CLTC: variants seen among roughly 807,000 people sequenced by gnomAD.
CLTC encodes clathrin heavy chain.
Under a neutral mutation model 195.8 loss-of-function variants are expected in CLTC, and 16 were observed. The observed-to-expected ratio is 0.08, with a 90% CI of 0.06 to 0.12. The LOEUF (loss-of-function observed/expected upper bound fraction) is 0.12, where lower values mean the gene tolerates loss of function less well. Ranked by LOEUF, CLTC falls within the 10% of genes least tolerant of loss-of-function variation. The pLI is 1.00. For missense variants in CLTC, 796 were observed against 2,027.0 expected, an observed-to-expected ratio of 0.39 and a Z score of 11.66; for synonymous variants, 667 against 689.4, an observed-to-expected ratio of 0.97 and a Z score of 0.51.
intron 17 of CLTC, among the ~76,000 whole-genome samples, chr17:59,677,783 C>T (rs1428236703): frequency 6.6e-6 from 1 of 152,112 alleles, no homozygotes; most frequent in African/African-American, 2.4e-5. Context: ...TTCTATGACG[C>T]TGATATCTTT....
chr17:59,655,746 C>A, intron 5 of CLTC, 108 bp from the exon 6 acceptor site: 15 of 825,202 alleles, frequency 1.8e-5, no homozygotes, highest in South Asian at 5.0e-5. Context: ...TTCAAATAAC[C>A]CTCTTGTTCT....
rs1303002364 is a variant in CLTC at position 59,666,185 on chromosome 17, C to T, written c.1727C>T (p.Ser576Phe). The part of the protein sequence containing the change: ...LLDALKNNRP[S>F]EGPLQTRLLE... ...GATGCTCTGAAGAATAATCGCCCAT[C>T]TGAAGGTCCTTTACAGACGCGGTTA... The change falls in exon 11 of 32, where the codon TCT becomes TTT. Residue 576 changes from serine (S) to phenylalanine (F), a missense_variant. Ser to Phe is a radical substitution (Grantham distance 155). Transcript: ENST00000269122. This position sits in a 1 kb window ranked among gnomAD's most constrained non-coding sequence, Gnocchi z 4.9. 1.9e-6 allele frequency: 3 copies of T among 1,614,026 alleles called. No individual in the cohort carries two copies. The East Asian group carries it at 6.7e-5, about 36-fold the overall frequency.
chr17:59,620,034 C>T lies in CLTC; in HGVS notation c.-98C>T. 1 of 1,085,934 alleles carries T rather than the reference C, an allele frequency of 9.2e-7. No homozygotes were observed. Among genetic ancestry groups the T allele is most frequent in the Non-Finnish European group, 1.4e-6 (1 of 720,550 alleles). 67.3% of individuals were successfully genotyped at this position (1,085,934 alleles called of 1,614,324 possible). ...CGGAGAGGATCCTGCTGAGCCCAGCCTCCCCCCTCCCCTTCTCCTCCTCTC... is the reference window on the plus strand; with the variant it reads ...CGGAGAGGATCCTGCTGAGCCCAGCTTCCCCCCTCCCCTTCTCCTCCTCTC... On this transcript the variant is annotated 5_prime_UTR_variant, in exon 1 of 32. Coordinates refer to ENST00000269122, the MANE Select transcript of CLTC (RefSeq NM_004859.4).
chr17:59,652,430 T>C (rs894087446), intron 5 of CLTC, among the ~76,000 whole-genome samples: 2 of 152,216 alleles, frequency 1.3e-5, no homozygotes, highest in Non-Finnish European at 1.5e-5. Flanking sequence ...GCAGCTGTGG[T>C]CTTATGAAAT....
At chr17:59,691,892 A>G (rs1216542940) in intron 31 of CLTC, among the ~76,000 whole-genome samples, 1 of 152,074 alleles carries the variant, frequency 6.6e-6, no homozygotes, top group Non-Finnish European at 1.5e-5. Flanking sequence ...GGAACAAAAA[A>G]AAGATGGGTG....
intron 17 of CLTC, among the ~76,000 whole-genome samples, chr17:59,678,989 G>T (rs1034579819): frequency 6.6e-6 from 1 of 152,148 alleles, no homozygotes; most frequent in Non-Finnish European, 1.5e-5. Context: ...TGACAACAGA[G>T]CAAGACTCCT....
At chr17:59,639,837 G>A (rs1477819767) in intron 1 of CLTC, among the ~76,000 whole-genome samples, 2 of 150,956 alleles carry the variant, frequency 1.3e-5, no homozygotes, top group African/African-American at 4.9e-5. Flanking sequence ...GCATGGTGGC[G>A]CCTGTAGTCT....
chr17:59,656,666 A>ATTTTTTTTTTTTTTT (rs55669818), intron 6 of CLTC, among the ~76,000 whole-genome samples: 9 of 96,222 alleles, frequency 9.4e-5, no homozygotes, highest in Non-Finnish European at 1.1e-4. Flanking sequence ...TATTATTTTA[A>ATTTTTTTTTTTTTTT]TTTTTTTTTT....
intron 1 of CLTC, among the ~76,000 whole-genome samples, chr17:59,629,645 C>G (rs2031653779): frequency 6.6e-6 from 1 of 151,594 alleles, no homozygotes; most frequent in Non-Finnish European, 1.5e-5. Context: ...CTAAGCCTCC[C>G]AAGTAGCTGG....
intron 1 of CLTC, among the ~76,000 whole-genome samples, chr17:59,638,287 A>T (rs928464892): frequency 2.0e-5 from 3 of 151,646 alleles, no homozygotes; most frequent in Non-Finnish European, 2.9e-5. Flanking sequence ...ACAGAGCAAG[A>T]CCCTATCTCT....
intron 1 of CLTC, among the ~76,000 whole-genome samples, chr17:59,633,471 C>T (rs945300716): frequency 3.3e-5 from 5 of 151,748 alleles, no homozygotes; most frequent in Non-Finnish European, 4.4e-5. Flanking sequence ...CCAGCCTGGG[C>T]GACAGAGCGA....
intron 13 of CLTC, among the ~76,000 whole-genome samples, chr17:59,668,028 G>A (rs1465239486): frequency 6.6e-6 from 1 of 152,296 alleles, no homozygotes; most frequent in East Asian, 1.9e-4. Context: ...TACATTGAAA[G>A]TTATTAAAGT....
At chr17:59,662,354 T>C (rs973364049) in intron 8 of CLTC, among the ~76,000 whole-genome samples, 2 of 152,186 alleles carry the variant, frequency 1.3e-5, no homozygotes, top group African/African-American at 4.8e-5. Context: ...ATAATGGTAG[T>C]ATGTTTTCCT....
chr17:59,648,612 T>C lies in CLTC; in HGVS notation c.681+211T>C, dbSNP rs1003878105. ...CACAACTCGTTCTGTTGGCTGTTTA[T>C]ATTCTTTGATTGCTAAAGTGCACAT... On this transcript the variant is annotated intron_variant, in intron 4 of 31. Transcript: ENST00000269122. This position sits in a 1 kb window ranked among gnomAD's most constrained non-coding sequence, Gnocchi z 4.5. 3 of 515,950 alleles carry C rather than the reference T, an allele frequency of 5.8e-6. No homozygotes were observed. Among genetic ancestry groups the C allele is most frequent in the African/African-American group, 5.7e-5 (3 of 52,562 alleles). The allele number at this position is 515,950 out of a possible 1,614,324, so 32.0% of individuals were successfully genotyped here.
chr17:59,689,648 T>G (rs1431583019), intron 30 of CLTC: 1 of 152,166 alleles, frequency 6.6e-6, no homozygotes, highest in Non-Finnish European at 1.5e-5. Flanking sequence ...TTTTAAATAT[T>G]GAAAGACAAA....
chr17:59,627,655 T>C (rs2031591869), intron 1 of CLTC, among the ~76,000 whole-genome samples: 1 of 152,238 alleles, frequency 6.6e-6, no homozygotes, highest in Admixed American at 6.5e-5. Context: ...CATCTGACTT[T>C]ATGCCTTGAA....
In CLTC at chr17:59,695,326, T is replaced by TAAC. The variant is rs2033395284; in HGVS notation, c.*1476_*1478dup. ...TTACAACTCTCTTAGGCAAATTACC[T>TAAC]AACATAAGCTCCACAGAAGAGTTTT... On this transcript the variant is annotated 3_prime_UTR_variant, in exon 32 of 32. Coordinates refer to ENST00000269122, the MANE Select transcript of CLTC (RefSeq NM_004859.4). The TAAC allele has an allele frequency of 5.4e-6, 1 of 185,056 alleles. No homozygotes were observed. The highest frequency in any genetic ancestry group is 1.1e-5 in the Non-Finnish European group (1 of 87,416). 11.5% of individuals were successfully genotyped at this position (185,056 alleles called of 1,614,324 possible).
chr17:59,677,209 A>T (rs1314472577), intron 17 of CLTC, 21 bp downstream of exon 17: 1 of 1,565,326 alleles, frequency 6.4e-7, no homozygotes, highest in African/African-American at 1.4e-5. Flanking sequence ...CTAGCTGAAT[A>T]TGTAGAGAAG....
intron 15 of CLTC, among the ~76,000 whole-genome samples, chr17:59,674,026 T>A (rs1037606199): frequency 1.3e-5 from 2 of 152,078 alleles, no homozygotes; most frequent in African/African-American, 2.4e-5. Flanking sequence ...AGCCTCCAAG[T>A]ATCTGGGACT....
Sources: gnomAD v4.1 joint callset for allele counts (sites outside exome capture counted in the v4.1 genomes callset) on GRCh38, gnomAD v4.1.1 for gene constraint, Gnocchi (gnomAD v3.1) non-coding constraint, MANE v1.5 for transcripts, NCBI Gene and HGNC (gene_info 2026-07-23, HGNC 2026-07-21) for gene names.